SLC35F4: variants seen among roughly 807,000 people sequenced by gnomAD.
SLC35F4 encodes the protein chromosome 14 open reading frame 36.
Under a neutral mutation model 44.2 loss-of-function variants are expected in SLC35F4, and 24 were observed. The observed-to-expected ratio is 0.54, with a 90% CI of 0.39 to 0.76. The LOEUF (loss-of-function observed/expected upper bound fraction) is 0.76. Among genes scored for constraint, SLC35F4 ranks in the 30% least tolerant of loss-of-function variants. SLC35F4 has a pLI of 0.00. For synonymous variants in SLC35F4, 238 were observed against 223.6 expected, an observed-to-expected ratio of 1.06 and a Z score of -0.57; for missense variants, 562 against 586.1, an observed-to-expected ratio of 0.96 and a Z score of 0.42.
rs1000923929 is a variant in SLC35F4, at chr14:57,826,980, C to T, written c.103+38743G>A. Among the ~76,000 whole-genome samples, 6 of 152,060 alleles carry T rather than the reference C, an allele frequency of 3.9e-5. 1 individual carries two copies. Among genetic ancestry groups the T allele is most frequent in the Admixed American group, 2.0e-4 (3 of 15,262 alleles). On this transcript the variant is annotated intron_variant, in intron 1 of 7. Coordinates refer to ENST00000556826, the MANE Select transcript of SLC35F4 (RefSeq NM_001306087.2). The stretch of plus-strand genomic sequence containing the variant: ...CCTCAAAGACCTAGAATCAGAAATA[C>T]CATTTGACCCAGCAATCCCATTACT...
At chr14:57,685,586 A>C (rs1293537891) in intron 1 of SLC35F4, among the ~76,000 whole-genome samples, 3 of 152,158 alleles carry the variant, frequency 2.0e-5, no homozygotes, top group Admixed American at 6.5e-5. Flanking sequence ...AATCTTTCAG[A>C]GCAATGATGT....
At chr14:57,874,165 C>T (rs1355305920) in intron 1 of SLC35F4, among the ~76,000 whole-genome samples, 1 of 152,186 alleles carries the variant, frequency 6.6e-6, no homozygotes, top group Non-Finnish European at 1.5e-5. Flanking sequence ...CTACTCCTCC[C>T]TCAGCTGTTT....
intron 1 of SLC35F4, among the ~76,000 whole-genome samples, chr14:57,917,540 A>G (rs138633807): frequency 2.0e-4 from 31 of 152,288 alleles, no homozygotes; most frequent in Middle Eastern, 3.4e-3. Flanking sequence ...TGTGACTTGT[A>G]AATTTTACTG....
intron 1 of SLC35F4, among the ~76,000 whole-genome samples, chr14:57,744,188 A>AC (rs564534419): frequency 2.6e-5 from 4 of 152,098 alleles, no homozygotes; most frequent in Non-Finnish European, 5.9e-5. Flanking sequence ...GCCCTCTCTC[A>AC]CACTCCTATT....
At chr14:57,630,744 G>C (rs1594642611) in intron 1 of SLC35F4, 1 of 528,664 alleles carries the variant, frequency 1.9e-6, no homozygotes, top group Non-Finnish European at 3.3e-6. Flanking sequence ...TCATAGTTTG[G>C]TTTACCTAAA....
intron 1 of SLC35F4, among the ~76,000 whole-genome samples, chr14:57,947,399 G>T (rs1352207565): frequency 6.6e-6 from 1 of 152,076 alleles, no homozygotes. Context: ...AAACTTTACT[G>T]AATTCATTTA....
At chr14:57,668,220 CT>C (rs2074386737) in intron 1 of SLC35F4, among the ~76,000 whole-genome samples, 1 of 151,038 alleles carries the variant, frequency 6.6e-6, no homozygotes, top group Non-Finnish European at 1.5e-5. Flanking sequence ...ATTGTAGATT[CT>C]GGATATTAGC....
chr14:57,889,897 C>T (rs146535820), intron 1 of SLC35F4, among the ~76,000 whole-genome samples: 4 of 152,204 alleles, frequency 2.6e-5, no homozygotes, highest in African/African-American at 9.6e-5. Context: ...ACTACAAGTG[C>T]CAAGCTTCAG....
chr14:57,843,375 T>C (rs1017266221), intron 1 of SLC35F4, among the ~76,000 whole-genome samples: 5 of 152,102 alleles, frequency 3.3e-5, no homozygotes, highest in Admixed American at 6.6e-5. Flanking sequence ...AGGCAGGCTA[T>C]GGGGGTAATG....
intron 1 of SLC35F4, among the ~76,000 whole-genome samples, chr14:57,812,768 G>A (rs985124467): frequency 6.6e-6 from 1 of 152,206 alleles, no homozygotes; most frequent in Non-Finnish European, 1.5e-5. Flanking sequence ...TAAGAGCAAT[G>A]CCTTCTGACT....
At position 57,608,786 on chromosome 14, in the gene SLC35F4, CCGGGGGGG is replaced by C. The variant is rs1228056435; in HGVS notation, c.104-14670_104-14663del. On this transcript the variant is annotated intron_variant, in intron 1 of 7. Coordinates refer to ENST00000556826, the MANE Select transcript of SLC35F4 (RefSeq NM_001306087.2). ...AAAAGAAAAGCAGCCCAAAAGATGG[CCGGGGGGG>C]GGCGGCGGGGGGAGAGAAACAGGAA... 3.4e-4 allele frequency among the ~76,000 whole-genome samples: 5 copies of C among 14,670 alleles called. No homozygotes were observed. In the South Asian group the frequency reaches 8.8e-3, roughly 26 times the overall value. The allele number at this position is 14,670 out of a possible 152,430, so 9.6% of individuals were successfully genotyped here.
chr14:57,823,771 T>C (rs888589184), intron 1 of SLC35F4, among the ~76,000 whole-genome samples: 1 of 152,186 alleles, frequency 6.6e-6, no homozygotes, highest in South Asian at 2.1e-4. Flanking sequence ...TCTTTAATTA[T>C]TAAAAATCAG....
intron 1 of SLC35F4, among the ~76,000 whole-genome samples, chr14:57,709,519 A>T (rs2075764648): frequency 6.6e-6 from 1 of 152,146 alleles, no homozygotes; most frequent in Non-Finnish European, 1.5e-5. Context: ...ATCTATATCT[A>T]GTATAACTAT....
intron 1 of SLC35F4, among the ~76,000 whole-genome samples, chr14:57,950,947 G>A (rs566210176): frequency 2.0e-4 from 30 of 151,930 alleles, no homozygotes; most frequent in Non-Finnish European, 4.0e-4. Flanking sequence ...TTACAGGCAC[G>A]AGCCACCACG....
intron 1 of SLC35F4, among the ~76,000 whole-genome samples, chr14:57,713,099 C>T (rs59681094): frequency 0.063 from 9,632 of 152,208 alleles, 714 homozygotes; most frequent in African/African-American, 0.18. Flanking sequence ...TCTGCTCATT[C>T]TCCCAATTAA....
At chr14:57,572,104 T>TA in intron 4 of SLC35F4, 85 bp from the exon 5 acceptor site, 1 of 1,502,584 alleles carries the variant, frequency 6.7e-7, no homozygotes, top group Non-Finnish European at 9.0e-7. Context: ...TGAAAGCTGC[T>TA]AAGTACTTCC....
At chr14:57,618,808 C>T (rs1046505695) in intron 1 of SLC35F4, among the ~76,000 whole-genome samples, 4 of 152,184 alleles carry the variant, frequency 2.6e-5, no homozygotes, top group African/African-American at 9.6e-5. Context: ...TTCTTGCTGC[C>T]AGCACAGCAG....
intron 1 of SLC35F4, among the ~76,000 whole-genome samples, chr14:57,958,532 CAG>C (rs755102038): frequency 6.7e-6 from 1 of 149,566 alleles, no homozygotes; most frequent in Non-Finnish European, 1.5e-5. Context: ...CTAGTGGATA[CAG>C]AGTTTCTTTC....
At chr14:57,762,496 T>C (rs762830119) in intron 1 of SLC35F4, among the ~76,000 whole-genome samples, 4 of 152,198 alleles carry the variant, frequency 2.6e-5, no homozygotes, top group Non-Finnish European at 4.4e-5. Flanking sequence ...GGGTAGATAC[T>C]AATTGTAGAA....
Sources: allele counts gnomAD v4.1 joint callset (sites outside exome capture counted in the v4.1 genomes callset), GRCh38; gene constraint gnomAD v4.1.1; transcripts MANE v1.5; gene names NCBI Gene and HGNC (gene_info 2026-07-23, HGNC 2026-07-21).